FSIP2: variants seen among roughly 807,000 people sequenced by gnomAD.
FSIP2 encodes fibrous sheath-interacting protein 2.
A neutral mutation model predicts 510.5 loss-of-function variants in FSIP2; 367 were observed. The observed-to-expected ratio is 0.72, with a 90% CI of 0.66 to 0.78. The LOEUF (loss-of-function observed/expected upper bound fraction) is 0.78, where lower values mean the gene tolerates loss of function less well. Ranked by LOEUF, FSIP2 falls within the 30% of genes least tolerant of loss-of-function variation. FSIP2 has a pLI of 0.00. For missense variants in FSIP2, 7,594 were observed against 7,901.7 expected (o/e 0.96, Z 1.48); for synonymous variants, 2,601 against 2,732.2 (o/e 0.95, Z 1.50).
intron 13 of FSIP2, among the ~76,000 whole-genome samples, chr2:185,780,908 A>G (rs1330927524): frequency 6.6e-6 from 1 of 152,208 alleles, no homozygotes; most frequent in Non-Finnish European, 1.5e-5. Context: ...AGTTTTAGGG[A>G]CAATACAGTT....
At chr2:185,739,313 G>T in intron 1 of FSIP2, 33 bp from the exon 2 acceptor site, 1 of 1,502,370 alleles carries the variant, frequency 6.7e-7, no homozygotes. Context: ...CTGCCTAAAA[G>T]GAAAGACAAA....
In FSIP2 at chr2:185,815,361, C is replaced by T; in HGVS notation, c.20326-10C>T. On this transcript the variant is annotated splice_polypyrimidine_tract_variant and intron_variant, in intron 18 of 22. Coordinates refer to ENST00000424728, the MANE Select transcript of FSIP2 (RefSeq NM_173651.4). Reference sequence around the variant, plus strand: ...CCATTTAGTGTAATAGCTGATTTGTCCTTTTCCAGAAAGAAGAAAAGAATC... The same window carrying T: ...CCATTTAGTGTAATAGCTGATTTGTTCTTTTCCAGAAAGAAGAAAAGAATC... 6 of 1,236,100 alleles carry T rather than the reference C, an allele frequency of 4.9e-6. No homozygotes were observed. The highest frequency in any genetic ancestry group is 1.9e-4 in the Middle Eastern group (1 of 5,294). 76.6% of individuals were successfully genotyped at this position (1,236,100 alleles called of 1,614,324 possible). A position where few individuals can be genotyped will look rare whatever the true frequency, so the allele number is the denominator to read the frequency against.
rs1341930183 is a variant in FSIP2, at chr2:185,793,587, G to T, written c.6451G>T (p.Asp2151Tyr). ...TCCTAAGCTTTCAGTTCCTAAATCA[G>T]ATGTCATTTTGATATCCAATGATAT... ...IIPKLSVPKS[D>Y]VILISNDIVN... Residue 2151 changes from aspartate (D) to tyrosine (Y), a missense_variant, in exon 16 of 23, where the codon GAT (aspartate) becomes TAT (tyrosine). By Grantham distance (160) the Asp-to-Tyr change is radical (BLOSUM62 -3). Coordinates refer to ENST00000424728, the MANE Select transcript of FSIP2 (RefSeq NM_173651.4). 1 of 1,534,198 alleles carries T rather than the reference G, an allele frequency of 6.5e-7. No individual in the cohort carries two copies. Among genetic ancestry groups the T allele is most frequent in the Non-Finnish European group, 8.7e-7 (1 of 1,145,576 alleles).
intron 5 of FSIP2, among the ~76,000 whole-genome samples, chr2:185,746,453 G>A (rs1692036004): frequency 6.6e-6 from 1 of 152,012 alleles, no homozygotes; most frequent in Non-Finnish European, 1.5e-5. Flanking sequence ...AGATACTTGT[G>A]TAGTGGAGAG....
chr2:185,793,852 A>C lies in FSIP2; in HGVS notation c.6716A>C (p.Gln2239Pro), dbSNP rs200699093. ...ACTGTAGTAGAGAAAGAAGACACTC[A>C]GAAATCTGCTACTGACTCATGTGAG... Reference protein sequence around the residue: ...QITVVEKEDTQKSATDSCEEN... With the variant: ...QITVVEKEDTPKSATDSCEEN... Residue 2239 changes from glutamine (Q) to proline (P), a missense_variant, in exon 16 of 23, where the codon CAG becomes CCG. Transcript: ENST00000424728. 112 of 1,531,940 alleles carry C rather than the reference A, an allele frequency of 7.3e-5. No individual in the cohort carries two copies. The highest frequency in any genetic ancestry group is 3.2e-4 in the Admixed American group (16 of 50,580). The allele number at this position is 1,531,940 out of a possible 1,614,324, so 94.9% of individuals were successfully genotyped here.
At position 185,806,808 on chromosome 2, in the gene FSIP2, A is replaced by C; in HGVS notation, c.17502A>C (p.Ser5834=). 6.2e-7 allele frequency: 1 copy of C among 1,611,622 alleles called. No homozygotes were observed. The highest frequency in any genetic ancestry group is 1.3e-5 in the African/African-American group (1 of 74,910). The stretch of plus-strand genomic sequence containing the variant: ...ACACTGCTATGAAACTCATCAATTC[A>C]CTGTTAAAGGAGTTCTCAGATGCTC... ...LYDTAMKLIN[S]LLKEFSDAQI... is the part of the protein sequence containing the mutation. Residue 5834 remains serine, a synonymous_variant, in exon 17 of 23, where the codon TCA becomes TCC. Transcript: ENST00000424728.
rs1298558748 is a variant in FSIP2 at position 185,793,415 on chromosome 2, C to T, written c.6279C>T (p.Thr2093=). ...RKVLQLQIQD[T]IEGILCDIYE... ...TACTTCAACTTCAAATACAAGATAC[C>T]ATTGAAGGTATCCTATGTGATATTT... Residue 2093 remains threonine (T), a synonymous_variant, in exon 16 of 23, where the codon ACC becomes ACT. Transcript: ENST00000424728. 6.5e-7 allele frequency: 1 copy of T among 1,533,510 alleles called. No individual in the cohort carries two copies. Among genetic ancestry groups the T allele is most frequent in the African/African-American group, 1.4e-5 (1 of 72,824 alleles). 95.0% of individuals were successfully genotyped at this position (1,533,510 alleles called of 1,614,324 possible).
intron 13 of FSIP2, among the ~76,000 whole-genome samples, chr2:185,780,407 T>C (rs140928551): frequency 0.018 from 2,730 of 151,236 alleles, 47 homozygotes; most frequent in Admixed American, 0.033. Flanking sequence ...ATTCTCTCTT[T>C]AGTTATTTAG....
rs189846679 is a variant in FSIP2, at chr2:185,820,642, A to G, written c.20427-3792A>G. Reference sequence around the variant, plus strand: ...TGAATATATACAAAATATATTTTCAAATTACAATGGGATAAAACTAGAAAT... The same window carrying G: ...TGAATATATACAAAATATATTTTCAGATTACAATGGGATAAAACTAGAAAT... On this transcript the variant is annotated intron_variant, in intron 19 of 22. Transcript: ENST00000424728. 7.6e-3 allele frequency among the ~76,000 whole-genome samples: 1,157 copies of G among 151,792 alleles called. 7 individuals carry two copies. Among genetic ancestry groups the G allele is most frequent in the South Asian group, 0.019 (93 of 4,820 alleles).
At position 185,807,339 on chromosome 2, in the gene FSIP2, A is replaced by C; in HGVS notation, c.18033A>C (p.Lys6011Asn). The C allele has an allele frequency of 6.2e-7, 1 of 1,611,098 alleles. No individual in the cohort carries two copies. The highest frequency in any genetic ancestry group is 8.5e-7 in the Non-Finnish European group (1 of 1,178,898). ...SSPYTIILPH[K>N]FLENVISALF... ...CATATACAATAATATTACCTCATAAATTTTTGGAGAATGTGATTTCTGCTC... is the reference window on the plus strand; with the variant it reads ...CATATACAATAATATTACCTCATAACTTTTTGGAGAATGTGATTTCTGCTC... The change falls in exon 17 of 23, where the codon AAA becomes AAC. Residue 6011 changes from lysine to asparagine, a missense_variant. Coordinates refer to ENST00000424728, the MANE Select transcript of FSIP2 (RefSeq NM_173651.4).
chr2:185,763,758 G>T (rs548031582), intron 12 of FSIP2, among the ~76,000 whole-genome samples: 1 of 151,448 alleles, frequency 6.6e-6, no homozygotes, highest in Non-Finnish European at 1.5e-5. Context: ...GTTTGAAATA[G>T]ATTTCAATAA....
chr2:185,797,759 G>T lies in FSIP2; in HGVS notation c.10390+233G>T, dbSNP rs1481591251. 1.9e-4 allele frequency: 85 copies of T among 441,476 alleles called. 1 individual carries two copies. The South Asian group carries it at 2.0e-3, about 11-fold the overall frequency. 27.3% of individuals were successfully genotyped at this position (441,476 alleles called of 1,614,324 possible). ...GCTAGAGTACAGTGGCATGATCATT[G>T]CTTCCTGCAGCCTTGAACTCCTGGA... On this transcript the variant is annotated intron_variant, in intron 16 of 22. Coordinates refer to ENST00000424728, the MANE Select transcript of FSIP2 (RefSeq NM_173651.4).
Position 185,790,631 on chromosome 2 carries a change from A to G in FSIP2, c.3495A>G (p.Thr1165=), listed in dbSNP as rs1418175194. ...DQMFSVSEIS[T]VAQEITDSVL... ...TGTTTTCTGTTTCAGAAATCAGTACAGTGGCTCAAGAAATAACAGATTCTG... is the reference window on the plus strand; with the variant it reads ...TGTTTTCTGTTTCAGAAATCAGTACGGTGGCTCAAGAAATAACAGATTCTG... The change falls in exon 16 of 23, where the codon ACA becomes ACG. Residue 1165 remains threonine (T), a synonymous_variant. Transcript: ENST00000424728. The G allele has an allele frequency of 2.0e-6, 3 of 1,534,114 alleles. No individual in the cohort carries two copies. Among genetic ancestry groups the G allele is most frequent in the Admixed American group, 2.0e-5 (1 of 50,856 alleles).
At chr2:185,745,380 G>T in intron 4 of FSIP2, 49 bp from the exon 5 acceptor site, 1 of 1,104,816 alleles carries the variant, frequency 9.1e-7, no homozygotes, top group Non-Finnish European at 1.2e-6. Flanking sequence ...TTATTTCTGG[G>T]AAATGTAAAA....
Position 185,806,422 on chromosome 2 carries a change from G to T in FSIP2, c.17116G>T (p.Asp5706Tyr). 1 of 1,612,002 alleles carries T rather than the reference G, an allele frequency of 6.2e-7. No individual in the cohort carries two copies. The highest frequency in any genetic ancestry group is 1.1e-5 in the South Asian group (1 of 90,966). The change falls in exon 17 of 23, where the codon GAC (aspartate) becomes TAC (tyrosine). Residue 5706 changes from aspartate to tyrosine, a missense_variant. By Grantham distance (160) the Asp-to-Tyr change is radical. Transcript: ENST00000424728. ...EPAYYSKLSY[D>Y]QSPPGDNVLN... ...AGCATATTATTCGAAACTCAGTTATGACCAAAGCCCCCCAGGTGATAATGT... is the reference window on the plus strand; with the variant it reads ...AGCATATTATTCGAAACTCAGTTATTACCAAAGCCCCCCAGGTGATAATGT...
At chr2:185,780,422 T>C (rs1021110387) in intron 13 of FSIP2, among the ~76,000 whole-genome samples, 1 of 151,692 alleles carries the variant, frequency 6.6e-6, no homozygotes, top group Admixed American at 6.6e-5. Flanking sequence ...ATTTAGTTTT[T>C]CTATATAGTT....
rs1693608818 is a variant in FSIP2, at chr2:185,807,352, G to T, written c.18046G>T (p.Val6016Leu). 1.9e-6 allele frequency: 3 copies of T among 1,610,006 alleles called. No individual in the cohort carries two copies. Among genetic ancestry groups the T allele is most frequent in the Non-Finnish European group, 2.5e-6 (3 of 1,178,626 alleles). The change falls in exon 17 of 23, where the codon GTG becomes TTG. Residue 6016 changes from valine (V) to leucine (L), a missense_variant. Physicochemically the swap from Val to Leu is conservative, Grantham distance 32. Coordinates refer to ENST00000424728, the MANE Select transcript of FSIP2 (RefSeq NM_173651.4). ...IILPHKFLEN[V>L]ISALFSKIFS... Reference sequence around the variant, plus strand: ...ATTACCTCATAAATTTTTGGAGAATGTGATTTCTGCTCTTTTCTCCAAAAT... The same window carrying T: ...ATTACCTCATAAATTTTTGGAGAATTTGATTTCTGCTCTTTTCTCCAAAAT...
chr2:185,795,469 T>C lies in FSIP2; in HGVS notation c.8333T>C (p.Val2778Ala), dbSNP rs1397090620. 1.3e-6 allele frequency: 2 copies of C among 1,534,744 alleles called. No homozygotes were observed. The change falls in exon 16 of 23, where the codon GTT (valine) becomes GCT (alanine). Residue 2778 changes from valine to alanine, a missense_variant. Transcript: ENST00000424728. The part of the protein sequence containing the change: ...IIAAGKIVNT[V>A]LQELYVTNNC... ...GCAGCAGGTAAAATAGTTAATACAG[T>C]TTTGCAAGAATTATATGTTACCAAT...
rs1356150479 is a variant in FSIP2 at position 185,803,305 on chromosome 2, G to A, written c.13999G>A (p.Gly4667Arg). The change falls in exon 17 of 23, where the codon GGG (glycine) becomes AGG (arginine). Residue 4667 changes from glycine (G) to arginine (R), a missense_variant. Coordinates refer to ENST00000424728, the MANE Select transcript of FSIP2 (RefSeq NM_173651.4). ...TGAAGAACTCATACATTTGATTACA[G>A]GGGAATTCTCAAAAGCCCAAGTTAG... ...KAEELIHLIT[G>R]EFSKAQVSII... The A allele has an allele frequency of 6.5e-7, 1 of 1,527,922 alleles. No homozygotes were observed. The highest frequency in any genetic ancestry group is 1.4e-5 in the African/African-American group (1 of 72,540). 94.6% of individuals were successfully genotyped at this position (1,527,922 alleles called of 1,614,324 possible).
Sources: gnomAD v4.1 joint callset for allele counts (sites outside exome capture counted in the v4.1 genomes callset) on GRCh38, gnomAD v4.1.1 for gene constraint, MANE v1.5 for transcripts, NCBI Gene and HGNC (gene_info 2026-07-23, HGNC 2026-07-21) for gene names.